STRBP: variants seen among roughly 807,000 people sequenced by gnomAD.
The protein encoded by STRBP is spermatid perinuclear RNA-binding protein.
Under a neutral mutation model 80.1 loss-of-function variants are expected in STRBP, and 13 were observed. The ratio of observed to expected loss-of-function variants is 0.16; its 90% CI spans 0.11 to 0.26. STRBP has a LOEUF of 0.26. STRBP is among the 10% of genes least tolerant of loss of function. STRBP has a pLI of 1.00. For synonymous variants in STRBP, 284 were observed against 291.2 expected (o/e 0.98, Z 0.25); for missense variants, 485 against 815.2 (o/e 0.59, Z 4.93).
chr9:123,147,843 G>A lies in STRBP; in HGVS notation c.1073C>T (p.Pro358Leu). Residue 358 changes from proline (P) to leucine (L), a missense_variant, in exon 12 of 19, where the codon CCA becomes CTA. By Grantham distance (98) the Pro-to-Leu change is moderately conservative. Transcript: ENST00000348403. ...EGAGSSALKR[P>L]FEDGLGDDKD... ...ATCATCCCCTAATCCATCTTCAAAT[G>A]GCCTCTTTAGAGCTGAAGACCCAGC... is the stretch of plus-strand genomic sequence containing the variant. 6.2e-7 allele frequency: 1 copy of A among 1,612,438 alleles called. No individual in the cohort carries two copies. Among genetic ancestry groups the A allele is most frequent in the Non-Finnish European group, 8.5e-7 (1 of 1,179,382 alleles).
At chr9:123,214,821 C>T (rs1428277275) in intron 2 of STRBP, among the ~76,000 whole-genome samples, 2 of 152,112 alleles carry the variant, frequency 1.3e-5, no homozygotes, top group Non-Finnish European at 2.9e-5. Context: ...CATTTATGCA[C>T]GTGTTTATAT....
At chr9:123,207,585 G>A (rs1045568604) in intron 2 of STRBP, among the ~76,000 whole-genome samples, 35 of 152,154 alleles carry the variant, frequency 2.3e-4, no homozygotes, top group East Asian at 7.7e-4. Context: ...TCAGGAAAGC[G>A]GGGTCGGGGG....
At chr9:123,252,792 T>C (rs1402602216) in intron 1 of STRBP, among the ~76,000 whole-genome samples, 3 of 152,190 alleles carry the variant, frequency 2.0e-5, no homozygotes, top group African/African-American at 7.2e-5. Context: ...TTTTACATGA[T>C]ACCATCCTTT....
chr9:123,165,783 C>A (rs1412124841), intron 6 of STRBP, among the ~76,000 whole-genome samples: 1 of 152,064 alleles, frequency 6.6e-6, no homozygotes, highest in African/African-American at 2.4e-5. Flanking sequence ...GTCAGGAGAG[C>A]TGGGTAAAAT....
chr9:123,200,638 G>A (rs1340773969), intron 2 of STRBP, among the ~76,000 whole-genome samples: 1 of 148,846 alleles, frequency 6.7e-6, no homozygotes, highest in African/African-American at 2.5e-5. Context: ...CGCGAACTCG[G>A]CTCACTGCAA....
At chr9:123,229,289 C>T (rs985726162) in intron 2 of STRBP, among the ~76,000 whole-genome samples, 10 of 152,086 alleles carry the variant, frequency 6.6e-5, no homozygotes, top group Admixed American at 2.0e-4. Context: ...TGTAAATATA[C>T]TAAAAACCAC....
intron 1 of STRBP, among the ~76,000 whole-genome samples, chr9:123,240,428 G>GT: frequency 6.6e-6 from 1 of 152,206 alleles, no homozygotes; most frequent in East Asian, 1.9e-4. Context: ...ACACAGAGAC[G>GT]TATTTTACTA....
intron 1 of STRBP, among the ~76,000 whole-genome samples, chr9:123,266,069 C>A (rs1432677521): frequency 6.6e-6 from 1 of 152,204 alleles, no homozygotes; most frequent in African/African-American, 2.4e-5. Flanking sequence ...TTCTTCCTCT[C>A]TTATGCATAG....
chr9:123,190,414 T>C (rs536790384), intron 2 of STRBP, among the ~76,000 whole-genome samples: 3 of 152,174 alleles, frequency 2.0e-5, no homozygotes, highest in South Asian at 4.1e-4. Flanking sequence ...GCAATAGTAA[T>C]GTGAAAAGAA....
intron 4 of STRBP, among the ~76,000 whole-genome samples, chr9:123,178,501 A>C (rs1276990018): frequency 6.6e-6 from 1 of 152,172 alleles, no homozygotes; most frequent in Admixed American, 6.5e-5. Flanking sequence ...CAATCCACAA[A>C]TATACAAAGA....
At chr9:123,202,263 T>C (rs564103090) in intron 2 of STRBP, among the ~76,000 whole-genome samples, 88 of 152,340 alleles carry the variant, frequency 5.8e-4, no homozygotes, top group African/African-American at 2.1e-3. Context: ...CCTCATGTTG[T>C]TACCTAGTTT....
At chr9:123,215,119 T>A (rs921517782) in intron 2 of STRBP, among the ~76,000 whole-genome samples, 1 of 151,996 alleles carries the variant, frequency 6.6e-6, no homozygotes, top group Non-Finnish European at 1.5e-5. Flanking sequence ...CAGGTTGGAG[T>A]GCAGTGGCAC....
intron 2 of STRBP, among the ~76,000 whole-genome samples, chr9:123,228,995 T>C (rs779034012): frequency 3.9e-5 from 6 of 152,212 alleles, no homozygotes; most frequent in African/African-American, 7.2e-5. Context: ...AATGGAATAT[T>C]AGCCATAAAA....
chr9:123,118,565 G>A (rs777790674), downstream of STRBP, among the ~76,000 whole-genome samples: 4 of 152,258 alleles, frequency 2.6e-5, no homozygotes, highest in Non-Finnish European at 5.9e-5. Flanking sequence ...CTCCCTCAAT[G>A]CTGGCTGAAC....
chr9:123,120,492 G>C, downstream of STRBP, among the ~76,000 whole-genome samples: 1 of 248 alleles, frequency 4.0e-3, no homozygotes, highest in East Asian at 0.1. Flanking sequence ...CGGGGGGGTG[G>C]GGGGGGGGGG....
intron 4 of STRBP, 35 bp from the exon 5 acceptor site, chr9:123,173,877 C>A: frequency 6.4e-7 from 1 of 1,564,968 alleles, no homozygotes; most frequent in Non-Finnish European, 8.6e-7. Flanking sequence ...ACTTTCACAA[C>A]CTATTTCCCA....
At chr9:123,199,615 C>T (rs2039236759) in intron 2 of STRBP, among the ~76,000 whole-genome samples, 1 of 152,096 alleles carries the variant, frequency 6.6e-6, no homozygotes, top group South Asian at 2.1e-4. Flanking sequence ...TAGGTATATT[C>T]CTAGTTATTT....
chr9:123,216,435 G>A (rs946794570), intron 2 of STRBP, among the ~76,000 whole-genome samples: 5 of 152,166 alleles, frequency 3.3e-5, no homozygotes, highest in Non-Finnish European at 4.4e-5. Context: ...GTGGGAATAC[G>A]TGCAACTCCT....
chr9:123,228,050 G>A (rs893103093), intron 2 of STRBP, among the ~76,000 whole-genome samples: 6 of 152,184 alleles, frequency 3.9e-5, no homozygotes, highest in Non-Finnish European at 8.8e-5. Context: ...TTTAAGGTGA[G>A]GTCAACGAGA....
Sources: gnomAD v4.1 joint callset for allele counts (sites outside exome capture counted in the v4.1 genomes callset) on GRCh38, gnomAD v4.1.1 for gene constraint, MANE v1.5 for transcripts, NCBI Gene and HGNC (gene_info 2026-07-23, HGNC 2026-07-21) for gene names.